CCDC171: variants seen among roughly 807,000 people sequenced by gnomAD.
The protein encoded by CCDC171 is coiled-coil domain containing 171.
CCDC171 carries 177 observed loss-of-function variants against 168.2 expected under a neutral mutation model. That is an observed-to-expected ratio of 1.05 (90% CI 0.93 to 1.19). CCDC171 has a LOEUF of 1.19. Ranked by LOEUF, CCDC171 falls within the 50% of genes most tolerant of loss-of-function variation. The pLI is 0.00. For missense variants in CCDC171, 1,991 were observed against 1,539.0 expected (o/e 1.29, Z -4.91); for synonymous variants, 687 against 540.8 (o/e 1.27, Z -3.75).
At chr9:15,945,863 G>A (rs1240072610) in intron 25 of CCDC171, among the ~76,000 whole-genome samples, 1 of 151,106 alleles carries the variant, frequency 6.6e-6, no homozygotes, top group Non-Finnish European at 1.5e-5. Flanking sequence ...TTCTTTTGCT[G>A]TGCAGAAGCT....
At chr9:15,947,978 C>T (rs536801119) in intron 25 of CCDC171, among the ~76,000 whole-genome samples, 2 of 149,314 alleles carry the variant, frequency 1.3e-5, no homozygotes, top group African/African-American at 2.5e-5. Context: ...CTCCCCGCTG[C>T]CCCCACCCCA....
the CCDC171 span, among the ~76,000 whole-genome samples, chr9:16,067,718 G>A: frequency 6.6e-6 from 1 of 152,134 alleles, no homozygotes; most frequent in Non-Finnish European, 1.5e-5. Flanking sequence ...ATTAAATAGG[G>A]AATCCTTTCC....
chr9:15,840,771 A>G (rs920237288), intron 21 of CCDC171, among the ~76,000 whole-genome samples: 1 of 151,002 alleles, frequency 6.6e-6, no homozygotes, highest in African/African-American at 2.5e-5. Context: ...TCTCTTTACT[A>G]TCCTCCTTTT....
chr9:15,844,639 A>C (rs926904966), intron 21 of CCDC171, among the ~76,000 whole-genome samples: 1 of 152,024 alleles, frequency 6.6e-6, no homozygotes, highest in African/African-American at 2.4e-5. Context: ...TGTTTATACC[A>C]CTTTTTGTTT....
At chr9:15,849,994 T>G (rs770183640) in intron 23 of CCDC171, among the ~76,000 whole-genome samples, 10 of 151,934 alleles carry the variant, frequency 6.6e-5, no homozygotes, top group Admixed American at 4.6e-4. Context: ...TCTTTGAAAT[T>G]ATTATTTCTC....
At chr9:15,962,532 A>G (rs1016289353) in intron 25 of CCDC171, among the ~76,000 whole-genome samples, 3 of 152,046 alleles carry the variant, frequency 2.0e-5, no homozygotes, top group Non-Finnish European at 4.4e-5. Flanking sequence ...GCTTTCACTA[A>G]CCTTTAGCAT....
intron 21 of CCDC171, among the ~76,000 whole-genome samples, chr9:15,812,153 C>G (rs2059383816): frequency 6.6e-6 from 1 of 152,082 alleles, no homozygotes; most frequent in East Asian, 1.9e-4. Context: ...GAGAGAGAGT[C>G]TAGAAATCTG....
rs1308748317 is a variant in CCDC171, at chr9:15,670,566, C to CT, written c.1076+4246dup. Among the ~76,000 whole-genome samples the CT allele has an allele frequency of 5.9e-5, 9 of 152,070 alleles. No individual in the cohort carries two copies. The East Asian group carries it at 1.7e-3, about 29-fold the overall frequency. On this transcript the variant is annotated intron_variant, in intron 9 of 25. Coordinates refer to ENST00000380701, the MANE Select transcript of CCDC171 (RefSeq NM_173550.4). The stretch of plus-strand genomic sequence containing the variant: ...GTATGCCATTTTTTTCAGTTTCTAC[C>CT]TTTAAATATCTATTGGCTTCTACTT...
chr9:16,032,110 C>T (rs1192136145), intron 6 of CCDC171, among the ~76,000 whole-genome samples: 2 of 152,194 alleles, frequency 1.3e-5, no homozygotes, highest in Non-Finnish European at 2.9e-5. Context: ...GCTTTCAACC[C>T]ACCCAAGTCC....
At chr9:15,559,029 G>A (rs938077467) in intron 1 of CCDC171, among the ~76,000 whole-genome samples, 1 of 152,148 alleles carries the variant, frequency 6.6e-6, no homozygotes, top group Non-Finnish European at 1.5e-5. Flanking sequence ...CAGTTTCCAC[G>A]TAGTTGAGCG....
chr9:15,777,827 G>A lies in CCDC171; in HGVS notation c.2898+1G>A, dbSNP rs751979679. ...TTTGCGTGGCCATGTGCCCATTACGGTATGTATACACTTTCATTTAGTAGT... is the reference window on the plus strand; with the variant it reads ...TTTGCGTGGCCATGTGCCCATTACGATATGTATACACTTTCATTTAGTAGT... On this transcript the variant is annotated splice_donor_variant, in intron 19 of 25. Transcript: ENST00000380701. LOFTEE classifies it high-confidence loss of function. 1.7e-5 allele frequency: 27 copies of A among 1,588,700 alleles called. No individual in the cohort carries two copies. Among genetic ancestry groups the A allele is most frequent in the Non-Finnish European group, 1.6e-5 (19 of 1,168,558 alleles).
intron 24 of CCDC171, chr9:15,885,908 A>T (rs1213277815): frequency 6.6e-6 from 1 of 152,188 alleles, no homozygotes; most frequent in African/African-American, 2.4e-5. Context: ...ACAGACTGTT[A>T]TTACTCTCAA....
chr9:16,032,572 C>T (rs752490), intron 6 of CCDC171, among the ~76,000 whole-genome samples: 56,333 of 152,028 alleles, frequency 0.37, 12,292 homozygotes, highest in East Asian at 0.63. Flanking sequence ...AAGTGGGGAC[C>T]GAGACACATT....
At chr9:16,103,839 G>A in the CCDC171 span, among the ~76,000 whole-genome samples, 17 of 152,338 alleles carry the variant, frequency 1.1e-4, no homozygotes, top group African/African-American at 2.2e-4. Context: ...ACTCCGGGGG[G>A]GCTGGGGGAG....
At chr9:15,796,505 T>G (rs1227556876) in intron 21 of CCDC171, among the ~76,000 whole-genome samples, 1 of 152,218 alleles carries the variant, frequency 6.6e-6, no homozygotes, top group Non-Finnish European at 1.5e-5. Flanking sequence ...GAGTAATGAC[T>G]TAATTCAAAA....
At chr9:15,710,583 G>A (rs2052588951) in intron 11 of CCDC171, among the ~76,000 whole-genome samples, 2 of 151,696 alleles carry the variant, frequency 1.3e-5, no homozygotes, top group Admixed American at 6.6e-5. Flanking sequence ...TTACAGGTGT[G>A]AGCCACTGTG....
intron 11 of CCDC171, among the ~76,000 whole-genome samples, chr9:15,701,590 T>G (rs1350937055): frequency 6.6e-6 from 1 of 151,176 alleles, no homozygotes; most frequent in Non-Finnish European, 1.5e-5. Context: ...TTTTTTTTTT[T>G]TTTTTTTGAG....
At chr9:15,696,519 A>G (rs1358080796) in intron 11 of CCDC171, among the ~76,000 whole-genome samples, 2 of 152,198 alleles carry the variant, frequency 1.3e-5, no homozygotes, top group Non-Finnish European at 2.9e-5. Flanking sequence ...ATCCAGTTTC[A>G]ATTATATTTG....
At chr9:15,989,529 T>A (rs539946280) in intron 3 of CCDC171, among the ~76,000 whole-genome samples, 1 of 152,154 alleles carries the variant, frequency 6.6e-6, no homozygotes, top group East Asian at 1.9e-4. Context: ...CCTCTCCCCC[T>A]CCAAAGGAAC....
Sources: allele counts gnomAD v4.1 joint callset (sites outside exome capture counted in the v4.1 genomes callset), GRCh38; gene constraint gnomAD v4.1.1; transcripts MANE v1.5; gene names NCBI Gene and HGNC (gene_info 2026-07-23, HGNC 2026-07-21).